The following TTLL11 variants were observed in gnomAD, a reference collection of about 807,000 sequenced individuals.
TTLL11 encodes the protein tubulin tyrosine ligase like 11, also known as tubulin polyglutamylase TTLL11.
TTLL11 carries 42 observed loss-of-function variants against 51.7 expected under a neutral mutation model. The observed-to-expected ratio is 0.81, with a 90% CI of 0.64 to 1.05. The LOEUF (loss-of-function observed/expected upper bound fraction) is 1.05. TTLL11 is among the 50% of genes least tolerant of loss of function. The pLI is 0.00. For missense variants in TTLL11, 799 were observed against 940.4 expected (o/e 0.85, Z 1.97); for synonymous variants, 381 against 383.5 (o/e 0.99, Z 0.08).
chr9:121,852,061 G>A (rs529157623), intron 8 of TTLL11, among the ~76,000 whole-genome samples: 1 of 152,304 alleles, frequency 6.6e-6, no homozygotes, highest in South Asian at 2.1e-4. Context: ...GCTGGCCCCT[G>A]TTCTGCCCCT....
In TTLL11 at chr9:121,916,542, C is replaced by G. The variant is rs117000167; in HGVS notation, c.1482-45794G>C. On this transcript the variant is annotated intron_variant, in intron 6 of 8. Transcript: ENST00000321582. ...ATAAAGAAAAAAAAGCCTTGATACA[C>G]AGTGGCGATTTGTGCAAACCAGAAT... 1.9e-3 allele frequency among the ~76,000 whole-genome samples: 290 copies of G among 152,184 alleles called. 1 individual carries two copies. Among genetic ancestry groups the G allele is most frequent in the Middle Eastern group, 6.8e-3 (2 of 294 alleles).
intron 1 of TTLL11, among the ~76,000 whole-genome samples, chr9:122,081,101 A>C (rs1009165061): frequency 1.3e-5 from 2 of 152,244 alleles, no homozygotes; most frequent in African/African-American, 2.4e-5. Flanking sequence ...TAAGTGAGAA[A>C]TGTGCTTTTT....
chr9:121,823,979 C>A (rs73539137), intron 8 of TTLL11, among the ~76,000 whole-genome samples: 6,995 of 152,200 alleles, frequency 0.046, 346 homozygotes, highest in African/African-American at 0.12. Context: ...GCACCGGCTG[C>A]GACTTGCTCT....
At chr9:121,887,446 C>G (rs1041392242) in intron 6 of TTLL11, among the ~76,000 whole-genome samples, 1 of 152,180 alleles carries the variant, frequency 6.6e-6, no homozygotes, top group Non-Finnish European at 1.5e-5. Context: ...TGAATGATAA[C>G]CTGCAATTTC....
chr9:122,062,225 G>A (rs1845455881), intron 1 of TTLL11, among the ~76,000 whole-genome samples: 1 of 152,116 alleles, frequency 6.6e-6, no homozygotes, highest in Non-Finnish European at 1.5e-5. Flanking sequence ...CTGATCAGAG[G>A]AGGCTGTTGG....
At position 121,958,980 on chromosome 9, in the gene TTLL11, A is replaced by AG. The variant is rs67158066; in HGVS notation, c.1481+15028dup. On this transcript the variant is annotated intron_variant, in intron 6 of 8. Transcript: ENST00000321582. ...TGCCAGGCATGGGCACCACTTTACAAGGGGGGGGGTCCAGTGCTTCTTAAG... is the reference window on the plus strand; with the variant it reads ...TGCCAGGCATGGGCACCACTTTACAAGGGGGGGGGGTCCAGTGCTTCTTAAG... 1.8e-3 allele frequency among the ~76,000 whole-genome samples: 271 copies of AG among 151,464 alleles called. 1 individual carries two copies. The highest frequency in any genetic ancestry group is 6.1e-3 in the African/African-American group (250 of 41,230).
At chr9:122,052,350 G>A (rs1845184577) in intron 1 of TTLL11, among the ~76,000 whole-genome samples, 1 of 152,204 alleles carries the variant, frequency 6.6e-6, no homozygotes, top group South Asian at 2.1e-4. Flanking sequence ...GCCAGCAAGG[G>A]ACCAGACAGC....
intron 4 of TTLL11, among the ~76,000 whole-genome samples, chr9:121,985,531 T>TA (rs1356513135): frequency 6.8e-6 from 1 of 146,994 alleles, no homozygotes; most frequent in Non-Finnish European, 1.5e-5. Context: ...TTTTTTTTTT[T>TA]TTTGAGACTG....
At chr9:121,865,108 G>A (rs950462084) in intron 7 of TTLL11, among the ~76,000 whole-genome samples, 1 of 152,198 alleles carries the variant, frequency 6.6e-6, no homozygotes, top group East Asian at 1.9e-4. Flanking sequence ...TCCAAGGCAT[G>A]CAATATTGCT....
chr9:122,025,413 G>A (rs1174175573), intron 3 of TTLL11, among the ~76,000 whole-genome samples: 4 of 152,154 alleles, frequency 2.6e-5, no homozygotes, highest in Non-Finnish European at 4.4e-5. Flanking sequence ...CAGGTGGATC[G>A]CTTGAGCTCA....
chr9:122,036,196 G>A (rs1342996284), intron 2 of TTLL11, among the ~76,000 whole-genome samples: 1 of 151,908 alleles, frequency 6.6e-6, no homozygotes, highest in African/African-American at 2.4e-5. Flanking sequence ...CTTTCTCTGT[G>A]TCTTTATAGC....
intron 6 of TTLL11, chr9:121,963,666 C>T (rs1483389609): frequency 6.6e-6 from 1 of 152,224 alleles, no homozygotes; most frequent in African/African-American, 2.4e-5. Flanking sequence ...ACTCTCACAT[C>T]AGCTCAGGAA....
intron 3 of TTLL11, among the ~76,000 whole-genome samples, chr9:122,015,476 CTT>C (rs1255818171): frequency 6.6e-6 from 1 of 152,196 alleles, no homozygotes; most frequent in African/African-American, 2.4e-5. Flanking sequence ...TCACTTCTGT[CTT>C]TACTCCTTTA....
Position 121,870,609 on chromosome 9 carries a change from T to C in TTLL11, c.1621A>G (p.Lys541Glu). 6.4e-7 allele frequency: 1 copy of C among 1,551,724 alleles called. No individual in the cohort carries two copies. Residue 541 changes from lysine to glutamate, a missense_variant, in exon 7 of 9, where the codon AAA becomes GAA. Physicochemically the swap from Lys to Glu is moderately conservative, Grantham distance 56 (BLOSUM62 1). Transcript: ENST00000321582. ...ACCAGGCGCAGGTAGTTGAACTGTT[T>C]TGCGTACTTGGGGAACACCTGCTTG... is the stretch of plus-strand genomic sequence containing the variant. ...CLKQVFPKYA[K>E]QFNYLRLVDR...
intron 6 of TTLL11, among the ~76,000 whole-genome samples, chr9:121,908,635 T>C (rs1840019079): frequency 6.6e-6 from 1 of 152,260 alleles, no homozygotes; most frequent in Admixed American, 6.5e-5. Flanking sequence ...TTCATTTGTT[T>C]GTCCATCCAG....
At position 121,961,423 on chromosome 9, in the gene TTLL11, GA is replaced by G. The variant is rs3048093; in HGVS notation, c.1481+12585del. ...CAACTGAAAACTCCCTTTTATGGATGAAAAAAAAAAGTACGGAGAGTGGGAA... is the reference window on the plus strand; with the variant it reads ...CAACTGAAAACTCCCTTTTATGGATGAAAAAAAAAGTACGGAGAGTGGGAA... On this transcript the variant is annotated intron_variant, in intron 6 of 8. Transcript: ENST00000321582. 1.3e-3 allele frequency among the ~76,000 whole-genome samples: 191 copies of G among 148,982 alleles called. 1 individual carries two copies. Among genetic ancestry groups the G allele is most frequent in the Non-Finnish European group, 2.3e-3 (152 of 67,004 alleles).
intron 6 of TTLL11, among the ~76,000 whole-genome samples, chr9:121,919,847 TAAAAAA>T (rs59700871): frequency 0.012 from 750 of 60,818 alleles, 6 homozygotes; most frequent in African/African-American, 0.039. Flanking sequence ...CCCTCATCTC[TAAAAAA>T]AAAAAAAAAA....
chr9:121,840,291 G>A (rs1020950032), intron 8 of TTLL11, among the ~76,000 whole-genome samples: 5 of 152,318 alleles, frequency 3.3e-5, no homozygotes, highest in African/African-American at 9.6e-5. Context: ...GGACCACCAC[G>A]TATCCTCGGA....
intron 8 of TTLL11, among the ~76,000 whole-genome samples, chr9:121,849,686 G>A (rs4130821): frequency 0.66 from 100,813 of 152,104 alleles, 33,685 homozygotes; most frequent in East Asian, 0.77. Flanking sequence ...TGCAAAGTAA[G>A]ACAATGAGGT....
Sources: allele counts gnomAD v4.1 joint callset (sites outside exome capture counted in the v4.1 genomes callset), GRCh38; gene constraint gnomAD v4.1.1; transcripts MANE v1.5; gene names NCBI Gene and HGNC (gene_info 2026-07-23, HGNC 2026-07-21).